Variants in NCAN observed in about 807,000 individuals in gnomAD.
NCAN encodes neurocan, also known as neurocan core protein.
Under a neutral mutation model 121.8 loss-of-function variants are expected in NCAN, and 47 were observed. The ratio of observed to expected loss-of-function variants is 0.39; its 90% CI spans 0.31 to 0.49. NCAN has a LOEUF of 0.49. Among genes scored for constraint, NCAN ranks in the 20% least tolerant of loss-of-function variants. The pLI is 0.92. For missense variants in NCAN, 1,517 were observed against 1,773.4 expected (o/e 0.86, Z 2.60); for synonymous variants, 633 against 702.0 (o/e 0.90, Z 1.55).
intron 3 of NCAN, among the ~76,000 whole-genome samples, chr19:19,220,115 A>G (rs1297261169): frequency 6.6e-6 from 1 of 152,122 alleles, no homozygotes; most frequent in Non-Finnish European, 1.5e-5. Flanking sequence ...TCTCCAGCTC[A>G]GACTTCTGGG....
In NCAN at chr19:19,248,841, G is replaced by A; in HGVS notation, c.3779G>A (p.Ser1260Asn). Reference protein sequence around the residue: ...QHHVATIRCRSNGKWDRPQIV... With the variant: ...QHHVATIRCRNNGKWDRPQIV... ...CATGTGGCCACCATTCGATGCCGGA[G>A]CAATGGCAAGTGGGACAGGCCCCAA... Residue 1260 changes from serine (S) to asparagine (N), a missense_variant, in exon 14 of 15, where the codon AGC (serine) becomes AAC (asparagine). Physicochemically the swap from Ser to Asn is conservative, Grantham distance 46. Transcript: ENST00000252575. 6.2e-7 allele frequency: 1 copy of A among 1,614,228 alleles called. No individual in the cohort carries two copies. The highest frequency in any genetic ancestry group is 8.5e-7 in the Non-Finnish European group (1 of 1,180,042).
At chr19:19,233,983 C>G in intron 9 of NCAN, 78 bp downstream of exon 9, 1 of 893,376 alleles carries the variant, frequency 1.1e-6, no homozygotes, top group South Asian at 1.5e-5. Context: ...GCAGCCATGC[C>G]CTCAGAATTC....
chr19:19,212,824 C>T lies in NCAN; in HGVS notation c.-8+760C>T, dbSNP rs1435052954. On this transcript the variant is annotated intron_variant, in intron 1 of 14. Transcript: ENST00000252575. The surrounding 1 kb of genome is among the most constrained non-coding windows in gnomAD (Gnocchi z 4.5). ...CCCCCCAGCTATGGATCCCCAGGAC[C>T]TGTGAGGGATACCAGCTCAGAGGGG... Among the ~76,000 whole-genome samples the T allele has an allele frequency of 2.0e-5, 3 of 152,210 alleles. No individual in the cohort carries two copies. The highest frequency in any genetic ancestry group is 2.9e-5 in the Non-Finnish European group (2 of 68,022).
rs762347973 is a variant in NCAN, at chr19:19,225,166, G to A, written c.968G>A (p.Arg323Gln). 1.3e-6 allele frequency: 2 copies of A among 1,531,518 alleles called. No individual in the cohort carries two copies. Among genetic ancestry groups the A allele is most frequent in the Non-Finnish European group, 1.7e-6 (2 of 1,150,278 alleles). The allele number at this position is 1,531,518 out of a possible 1,614,324, so 94.9% of individuals were successfully genotyped here. A position where few individuals can be genotyped will look rare whatever the true frequency, so the allele number is the denominator to read the frequency against. The change falls in exon 6 of 15, where the codon CGG (arginine) becomes CAG (glutamine). Residue 323 changes from arginine (R) to glutamine (Q), a missense_variant. Coordinates refer to ENST00000252575, the MANE Select transcript of NCAN (RefSeq NM_004386.3). This position sits in a 1 kb window ranked among gnomAD's most constrained non-coding sequence, Gnocchi z 4.0. ...SVRYPIQTPR[R>Q]RCGGPAPGVR... ...CGCTACCCGATCCAGACGCCGCGCC[G>A]GCGCTGCGGGGGCCCAGCCCCGGGC...
Position 19,234,990 on chromosome 19 carries a change from T to G in NCAN, c.3144T>G (p.Asp1048Glu). ...TCTTCCCCTCTCTGCCAGACATTGA[T>G]GACTGCCTCTGCAGCCCCTGTGAGA... ...FAGENCEIDI[D>E]DCLCSPCENG... is the part of the protein sequence containing the mutation. Residue 1048 changes from aspartate (D) to glutamate (E), a missense_variant, in exon 10 of 15, where the codon GAT becomes GAG. Physicochemically the swap from Asp to Glu is conservative, Grantham distance 45. Coordinates refer to ENST00000252575, the MANE Select transcript of NCAN (RefSeq NM_004386.3). The G allele has an allele frequency of 6.8e-6, 11 of 1,609,542 alleles. No individual in the cohort carries two copies. Among genetic ancestry groups the G allele is most frequent in the Non-Finnish European group, 9.3e-6 (11 of 1,176,548 alleles).
intron 1 of NCAN, among the ~76,000 whole-genome samples, chr19:19,213,911 AACAC>A: frequency 6.6e-6 from 1 of 152,248 alleles, no homozygotes; most frequent in Middle Eastern, 3.4e-3. Context: ...TCAGGTCAGA[AACAC>A]ACACATGTGC....
At chr19:19,235,472 A>G (rs1045049627) in intron 10 of NCAN, among the ~76,000 whole-genome samples, 1 of 148,602 alleles carries the variant, frequency 6.7e-6, no homozygotes, top group Non-Finnish European at 1.5e-5. Context: ...GGGTTTTGCT[A>G]TGTTGGCCGG....
chr19:19,215,153 C>T (rs1457956619), intron 1 of NCAN, among the ~76,000 whole-genome samples: 3 of 152,146 alleles, frequency 2.0e-5, no homozygotes, highest in African/African-American at 7.2e-5. Flanking sequence ...GGTCCCAGGC[C>T]GGCCTCCCAG....
At chr19:19,241,879 A>T (rs1181686457) in intron 12 of NCAN, among the ~76,000 whole-genome samples, 1 of 152,072 alleles carries the variant, frequency 6.6e-6, no homozygotes, top group Non-Finnish European at 1.5e-5. Context: ...CATATAATAA[A>T]ATTGCACTTG....
chr19:19,238,269 C>T lies in NCAN; in HGVS notation c.3267C>T (p.Asp1089=), dbSNP rs368680176. 3 of 1,614,196 alleles carry T rather than the reference C, an allele frequency of 1.9e-6. No homozygotes were observed. The highest frequency in any genetic ancestry group is 2.5e-6 in the Non-Finnish European group (3 of 1,180,032). ...SFCEKDTEGC[D]RGWHKFQGHC... Reference sequence around the variant, plus strand: ...ATCTCCCAGACACCGAGGGCTGTGACCGCGGCTGGCATAAGTTCCAGGGCC... The same window carrying T: ...ATCTCCCAGACACCGAGGGCTGTGATCGCGGCTGGCATAAGTTCCAGGGCC... The change falls in exon 11 of 15, where the codon GAC becomes GAT. Residue 1089 remains aspartate (D), a synonymous_variant. Transcript: ENST00000252575.
intron 5 of NCAN, 85 bp from the exon 6 acceptor site, chr19:19,224,892 C>A: frequency 8.3e-7 from 1 of 1,197,852 alleles, no homozygotes; most frequent in South Asian, 1.9e-5. Flanking sequence ...ACGTCCAGGT[C>A]GGAACTATTT....
chr19:19,227,179 C>A lies in NCAN; in HGVS notation c.1661-102C>A. ...TGAGGGAGGAAGCTCCAAATCCCAG[C>A]TGGGTCCTCTGGCCCCAGAAGCCCC... is the stretch of plus-strand genomic sequence containing the variant. On this transcript the variant is annotated intron_variant, in intron 7 of 14. Coordinates refer to ENST00000252575, the MANE Select transcript of NCAN (RefSeq NM_004386.3). This position sits in a 1 kb window ranked among gnomAD's most constrained non-coding sequence, Gnocchi z 4.2. The A allele has an allele frequency of 6.7e-7, 1 of 1,490,652 alleles. No individual in the cohort carries two copies. Among genetic ancestry groups the A allele is most frequent in the Non-Finnish European group, 8.9e-7 (1 of 1,120,988 alleles). 92.3% of individuals were successfully genotyped at this position (1,490,652 alleles called of 1,614,324 possible). A position where few individuals can be genotyped will look rare whatever the true frequency, so the allele number is the denominator to read the frequency against.
At chr19:19,240,334 TGA>T (rs2060898894) in intron 11 of NCAN, among the ~76,000 whole-genome samples, 1 of 150,294 alleles carries the variant, frequency 6.7e-6, no homozygotes, top group African/African-American at 2.5e-5. Context: ...GGGAAGGGGC[TGA>T]GTCTTCCCCT....
In NCAN at chr19:19,226,714, G is replaced by A; in HGVS notation, c.1301G>A (p.Gly434Glu). 2 of 1,612,400 alleles carry A rather than the reference G, an allele frequency of 1.2e-6. No homozygotes were observed. Among genetic ancestry groups the A allele is most frequent in the Non-Finnish European group, 1.7e-6 (2 of 1,178,914 alleles). The part of the protein sequence containing the change: ...ESQQTLSPTP[G>E]DPMLASWPTG... ...CAACAGACCCTCAGCCCTACCCCTG[G>A]GGACCCCATGCTGGCCTCATGGCCC... The change falls in exon 7 of 15, where the codon GGG (glycine) becomes GAG (glutamate). Residue 434 changes from glycine to glutamate, a missense_variant. Physicochemically the swap from Gly to Glu is moderately conservative, Grantham distance 98. Transcript: ENST00000252575.
At position 19,238,273 on chromosome 19, in the gene NCAN, G is replaced by T. The variant is rs755391461; in HGVS notation, c.3271G>T (p.Gly1091Cys). 2.5e-6 allele frequency: 4 copies of T among 1,614,174 alleles called. No individual in the cohort carries two copies. The highest frequency in any genetic ancestry group is 2.2e-5 in the South Asian group (2 of 91,090). Residue 1091 changes from glycine (G) to cysteine (C), a missense_variant, in exon 11 of 15, where the codon GGC becomes TGC. Gly to Cys is a radical substitution (Grantham distance 159, BLOSUM62 -3). Transcript: ENST00000252575. The part of the protein sequence containing the change: ...CEKDTEGCDR[G>C]WHKFQGHCYR... ...CCCAGACACCGAGGGCTGTGACCGC[G>T]GCTGGCATAAGTTCCAGGGCCACTG...
At chr19:19,244,017 CAAACAAAACA>C (rs573029413) in intron 12 of NCAN, among the ~76,000 whole-genome samples, 1 of 152,038 alleles carries the variant, frequency 6.6e-6, no homozygotes, top group East Asian at 1.9e-4. Context: ...GGCTCTGTCT[CAAACAAAACA>C]AAACAAAACA....
intron 3 of NCAN, among the ~76,000 whole-genome samples, chr19:19,222,762 A>C (rs2060821387): frequency 6.6e-6 from 1 of 152,166 alleles, no homozygotes; most frequent in Admixed American, 6.6e-5. Context: ...ATCCTGGCTT[A>C]CATGTCACCT....
intron 1 of NCAN, among the ~76,000 whole-genome samples, chr19:19,216,721 C>T (rs531085519): frequency 4.6e-5 from 7 of 152,336 alleles, no homozygotes; most frequent in African/African-American, 1.2e-4. Context: ...GAACTATAGG[C>T]GTGAGCCACC....
At chr19:19,226,306 G>A (rs2060836561) in intron 6 of NCAN, among the ~76,000 whole-genome samples, 180 bp from the exon 7 acceptor site, 1 of 152,122 alleles carries the variant, frequency 6.6e-6, no homozygotes, top group African/African-American at 2.4e-5. Context: ...AGCCTGAACA[G>A]TGGAGGTGAA....
Sources: gnomAD v4.1 joint callset for allele counts (sites outside exome capture counted in the v4.1 genomes callset) on GRCh38, gnomAD v4.1.1 for gene constraint, Gnocchi (gnomAD v3.1) non-coding constraint, MANE v1.5 for transcripts, NCBI Gene and HGNC (gene_info 2026-07-23, HGNC 2026-07-21) for gene names.